Variants in TRPM6 observed in about 807,000 individuals in gnomAD.
The protein encoded by TRPM6 is channel kinase 2.
TRPM6 carries 111 observed loss-of-function variants against 247.6 expected under a neutral mutation model. That is an observed-to-expected ratio of 0.45 (90% CI 0.38 to 0.52). The LOEUF is 0.52. Ranked by LOEUF, TRPM6 falls within the 20% of genes least tolerant of loss-of-function variation. The pLI is 0.00. For missense variants in TRPM6, 2,126 were observed against 2,421.5 expected (o/e 0.88, Z 2.56); for synonymous variants, 892 against 853.8 (o/e 1.04, Z -0.78).
intron 28 of TRPM6, among the ~76,000 whole-genome samples, chr9:74,753,732 G>A (rs1826343130): frequency 6.6e-6 from 1 of 152,114 alleles, no homozygotes; most frequent in African/African-American, 2.4e-5. Flanking sequence ...CTACCTGACA[G>A]GGCATCTGCC....
At chr9:74,766,232 A>G (rs1826820804) in intron 25 of TRPM6, among the ~76,000 whole-genome samples, 1 of 152,262 alleles carries the variant, frequency 6.6e-6, no homozygotes, top group Non-Finnish European at 1.5e-5. Context: ...GGTCACCCTC[A>G]AATCAGGTCC....
At chr9:74,738,940 A>G (rs1194535931) in intron 35 of TRPM6, among the ~76,000 whole-genome samples, 1 of 152,228 alleles carries the variant, frequency 6.6e-6, no homozygotes, top group East Asian at 1.9e-4. Flanking sequence ...TCTGTGTCTC[A>G]ATAAATGAAT....
rs1175711176 is a variant in TRPM6, at chr9:74,775,843, T to C, written c.3403+40A>G. On this transcript the variant is annotated intron_variant, in intron 24 of 38. Coordinates refer to ENST00000360774, the MANE Select transcript of TRPM6 (RefSeq NM_017662.5). ...AGTGCATCTTTGCCTTGAATCCTAC[T>C]TTTTGCTCTCTTTCTCCTGCCTCAC... The C allele has an allele frequency of 3.1e-6, 5 of 1,606,614 alleles. No homozygotes were observed. The South Asian group carries it at 5.5e-5, about 18-fold the overall frequency.
intron 24 of TRPM6, among the ~76,000 whole-genome samples, chr9:74,773,628 T>C (rs1433813841): frequency 6.6e-6 from 1 of 152,234 alleles, no homozygotes; most frequent in Non-Finnish European, 1.5e-5. Context: ...GAAGTGATGC[T>C]GCTAAAAGGA....
At position 74,798,315 on chromosome 9, in the gene TRPM6, C is replaced by T. The variant is rs1828176052; in HGVS notation, c.2239-1422G>A. Among the ~76,000 whole-genome samples, 3 of 150,342 alleles carry T rather than the reference C, an allele frequency of 2.0e-5. No homozygotes were observed. In the South Asian group the frequency reaches 6.3e-4, roughly 31 times the overall value. On this transcript the variant is annotated intron_variant, in intron 17 of 38. Coordinates refer to ENST00000360774, the MANE Select transcript of TRPM6 (RefSeq NM_017662.5). ...TATCTTTTGTCACCCTGTTTTAAAGCTTGATCTCCTAGGAAGATTCTCTGG... is the reference window on the plus strand; with the variant it reads ...TATCTTTTGTCACCCTGTTTTAAAGTTTGATCTCCTAGGAAGATTCTCTGG...
intron 9 of TRPM6, among the ~76,000 whole-genome samples, chr9:74,819,842 T>C (rs984988582): frequency 5.9e-5 from 9 of 152,158 alleles, no homozygotes; most frequent in African/African-American, 1.7e-4. Flanking sequence ...CTAAGTGCTT[T>C]TTCTGTAGTA....
chr9:74,780,199 G>T (rs543190272), intron 23 of TRPM6, among the ~76,000 whole-genome samples: 1 of 151,664 alleles, frequency 6.6e-6, no homozygotes, highest in African/African-American at 2.4e-5. Context: ...CAGGCATGGT[G>T]GCTCACACCT....
intron 1 of TRPM6, among the ~76,000 whole-genome samples, chr9:74,872,279 C>A (rs953633260): frequency 1.3e-5 from 2 of 151,978 alleles, no homozygotes; most frequent in Non-Finnish European, 2.9e-5. Context: ...AGCCACCACA[C>A]TCAGCCAACA....
intron 1 of TRPM6, among the ~76,000 whole-genome samples, chr9:74,881,349 A>G (rs1831358054): frequency 6.6e-6 from 1 of 152,028 alleles, no homozygotes; most frequent in Admixed American, 6.6e-5. Context: ...ATGTAATTAT[A>G]TAATTATAAT....
chr9:74,787,461 T>TA (rs36043816), intron 20 of TRPM6, among the ~76,000 whole-genome samples: 10 of 151,682 alleles, frequency 6.6e-5, no homozygotes, highest in South Asian at 4.2e-4. Context: ...CCTGAAGCAT[T>TA]AAAAAAAAGG....
intron 5 of TRPM6, among the ~76,000 whole-genome samples, chr9:74,834,468 A>ATTG (rs995218043): frequency 2.6e-5 from 4 of 151,492 alleles, no homozygotes; most frequent in Admixed American, 1.3e-4. Context: ...TATTATTATT[A>ATTG]TTATTATTAT....
chr9:74,868,940 A>G (rs772974782), intron 1 of TRPM6, among the ~76,000 whole-genome samples: 23 of 152,224 alleles, frequency 1.5e-4, no homozygotes, highest in Non-Finnish European at 3.2e-4. Flanking sequence ...CTTACTAGCC[A>G]GGATGGTGGT....
At chr9:74,743,200 G>A (rs1345565955) in intron 32 of TRPM6, among the ~76,000 whole-genome samples, 2 of 152,148 alleles carry the variant, frequency 1.3e-5, no homozygotes, top group East Asian at 1.9e-4. Context: ...GATTACTGCC[G>A]AGCTGAAAGA....
chr9:74,863,982 T>A (rs1564056897), intron 1 of TRPM6, among the ~76,000 whole-genome samples: 2 of 151,994 alleles, frequency 1.3e-5, no homozygotes, highest in Non-Finnish European at 2.9e-5. Context: ...TACAACTTTT[T>A]TGCACCTTAA....
At chr9:74,730,335 AG>A (rs1448222184) in intron 37 of TRPM6, among the ~76,000 whole-genome samples, 2 of 152,232 alleles carry the variant, frequency 1.3e-5, no homozygotes, top group Non-Finnish European at 2.9e-5. Flanking sequence ...GCAGAAGGTT[AG>A]GGAAAGTTAA....
At chr9:74,755,204 A>G (rs1826393009) in intron 28 of TRPM6, 149 bp downstream of exon 28, 2 of 896,654 alleles carry the variant, frequency 2.2e-6, no homozygotes, top group Non-Finnish European at 1.7e-6. Context: ...AAAAACAGAA[A>G]AATGCTATTT....
At chr9:74,739,310 A>G in intron 35 of TRPM6, 57 bp downstream of exon 35, 1 of 1,439,114 alleles carries the variant, frequency 6.9e-7, no homozygotes, top group South Asian at 1.1e-5. Context: ...TGGGCTGAGA[A>G]GACGTGATAG....
In TRPM6 at chr9:74,879,342, C is replaced by CAT. The variant is rs952180520; in HGVS notation, c.33+8480_33+8481dup. On this transcript the variant is annotated intron_variant, in intron 1 of 38. Coordinates refer to ENST00000360774, the MANE Select transcript of TRPM6 (RefSeq NM_017662.5). ...TATATATGATTTATATACATATATA[C>CAT]ATATATATATAACAAGGAACCATTT... Among the ~76,000 whole-genome samples, 25 of 149,900 alleles carry CAT rather than the reference C, an allele frequency of 1.7e-4. 1 individual carries two copies. The highest frequency in any genetic ancestry group is 1.1e-3 in the Admixed American group (16 of 14,982).
intron 1 of TRPM6, among the ~76,000 whole-genome samples, chr9:74,877,314 A>C (rs191337125): frequency 9.8e-5 from 15 of 152,330 alleles, no homozygotes; most frequent in African/African-American, 3.6e-4. Context: ...AAGTAGAAAC[A>C]ACACAAATAT....
Sources: allele counts gnomAD v4.1 joint callset (sites outside exome capture counted in the v4.1 genomes callset), GRCh38; gene constraint gnomAD v4.1.1; transcripts MANE v1.5; gene names NCBI Gene and HGNC (gene_info 2026-07-23, HGNC 2026-07-21).